GPC3: variants seen among roughly 807,000 people sequenced by gnomAD.
GPC3 encodes the protein glypican-3.
Under a neutral mutation model 34.4 loss-of-function variants are expected in GPC3, and 3 were observed. That is an observed-to-expected ratio of 0.09 (90% CI 0.04 to 0.23). GPC3 has a LOEUF of 0.23. Ranked by LOEUF, GPC3 falls within the 10% of genes least tolerant of loss-of-function variation. The pLI is 1.00. For missense variants in GPC3, 351 were observed against 445.6 expected, an observed-to-expected ratio of 0.79 and a Z score of 1.91; for synonymous variants, 177 against 174.0, an observed-to-expected ratio of 1.02 and a Z score of -0.13.
At chrX:133,865,213 G>A (rs1160064297) in intron 2 of GPC3, among the ~76,000 whole-genome samples, 1 of 111,947 alleles carries the variant, frequency 8.9e-6, no homozygotes, top group African/African-American at 3.2e-5. Context: ...GCCTATCACT[G>A]CAACCATAGT....
At chrX:133,825,831 T>C (rs1759998999) in intron 2 of GPC3, among the ~76,000 whole-genome samples, 1 of 111,663 alleles carries the variant, frequency 9.0e-6, no homozygotes, top group African/African-American at 3.3e-5. Flanking sequence ...TGCCTAACTG[T>C]TGAAAAGATG....
chrX:133,642,141 C>T (rs752879207), intron 6 of GPC3, among the ~76,000 whole-genome samples: 3 of 105,402 alleles, frequency 2.8e-5, no homozygotes, highest in Admixed American at 1.0e-4. Flanking sequence ...GAAAAACAGA[C>T]CAGCATTCAC....
intron 2 of GPC3, chrX:133,763,062 G>C: frequency 1.5e-6 from 1 of 656,474 alleles, no homozygotes; most frequent in Non-Finnish European, 2.5e-6. Context: ...CCGTGCTAAA[G>C]TTTGCTGCTG....
At chrX:133,957,366 G>A (rs980514929) in intron 1 of GPC3, among the ~76,000 whole-genome samples, 1 of 112,657 alleles carries the variant, frequency 8.9e-6, no homozygotes, top group Non-Finnish European at 1.9e-5. Context: ...CAGCTTTTAA[G>A]AAAAGCCCCA....
At chrX:133,634,352 T>C (rs1179341822) in intron 6 of GPC3, among the ~76,000 whole-genome samples, 1 of 112,017 alleles carries the variant, frequency 8.9e-6, no homozygotes, top group Non-Finnish European at 1.9e-5. Context: ...AGTGCAAATA[T>C]TACATCTACA....
chrX:133,676,896 CTTTGTAT>C (rs1224963810), intron 5 of GPC3, among the ~76,000 whole-genome samples: 2 of 110,811 alleles, frequency 1.8e-5, no homozygotes, highest in Non-Finnish European at 3.8e-5. Context: ...TTCTTAGCCA[CTTTGTAT>C]TCCTTTGCTC....
In GPC3 at chrX:133,864,599, T is replaced by C. The variant is rs139212287; in HGVS notation, c.337+88451A>G. On this transcript the variant is annotated intron_variant, in intron 2 of 7. Coordinates refer to ENST00000370818, the MANE Select transcript of GPC3 (RefSeq NM_004484.4). ...GCTCACATGTCCCAGCAGCCTTGTC[T>C]GTCCTGAACTCAAGTGTAACTGACA... Among the ~76,000 whole-genome samples, 1,091 of 112,392 alleles carry C rather than the reference T, an allele frequency of 9.7e-3. 7 individuals carry two copies. Among genetic ancestry groups the C allele is most frequent in the Middle Eastern group, 0.023 (5 of 219 alleles).
chrX:133,675,805 T>C (rs2070878543), intron 5 of GPC3, among the ~76,000 whole-genome samples: 1 of 112,246 alleles, frequency 8.9e-6, no homozygotes, highest in African/African-American at 3.2e-5. Context: ...GAGTTCCTTT[T>C]CTATGCTCCA....
intron 2 of GPC3, among the ~76,000 whole-genome samples, chrX:133,923,080 G>A (rs2076257958): frequency 9.0e-6 from 1 of 110,811 alleles, no homozygotes; most frequent in Non-Finnish European, 1.9e-5. Flanking sequence ...CTTCCAACAA[G>A]AAGCCTTACA....
At chrX:133,853,562 G>T (rs1478856772) in intron 2 of GPC3, among the ~76,000 whole-genome samples, 1 of 111,954 alleles carries the variant, frequency 8.9e-6, no homozygotes, top group African/African-American at 3.2e-5. Context: ...ACACAGCTTT[G>T]GTAATTAACA....
intron 2 of GPC3, among the ~76,000 whole-genome samples, chrX:133,773,856 T>C (rs748279308): frequency 4.5e-5 from 5 of 111,753 alleles, no homozygotes; most frequent in Admixed American, 2.9e-4. Flanking sequence ...GGATAGGTCA[T>C]TTTTCCTCTC....
intron 7 of GPC3, among the ~76,000 whole-genome samples, chrX:133,572,458 A>T (rs143461211): frequency 0.016 from 1,789 of 111,163 alleles, 30 homozygotes; most frequent in African/African-American, 0.055. Context: ...AATAATAAGG[A>T]TTAGAGGTAA....
At chrX:133,648,495 G>A (rs187764668) in intron 6 of GPC3, among the ~76,000 whole-genome samples, 3 of 111,259 alleles carry the variant, frequency 2.7e-5, no homozygotes, top group Non-Finnish European at 5.7e-5. Flanking sequence ...TGGACTCCTT[G>A]CCTCCAATTT....
intron 2 of GPC3, among the ~76,000 whole-genome samples, chrX:133,911,813 G>C (rs774428152): frequency 1.3e-4 from 15 of 111,844 alleles, no homozygotes; most frequent in Non-Finnish European, 2.6e-4. Context: ...TAAAGCATTT[G>C]GTTTGGCATG....
intron 6 of GPC3, among the ~76,000 whole-genome samples, chrX:133,614,007 G>T (rs2070136019): frequency 9.0e-6 from 1 of 111,349 alleles, no homozygotes; most frequent in Admixed American, 9.5e-5. Context: ...GCAAATTTGA[G>T]CAGGCAGAAT....
At chrX:133,730,529 G>C (rs1026990317) in intron 3 of GPC3, among the ~76,000 whole-genome samples, 4 of 111,525 alleles carry the variant, frequency 3.6e-5, no homozygotes, top group African/African-American at 1.3e-4. Flanking sequence ...CAATTTCTCA[G>C]GTAACCTGTA....
intron 6 of GPC3, among the ~76,000 whole-genome samples, chrX:133,604,188 A>G (rs1391965179): frequency 9.0e-6 from 1 of 111,475 alleles, no homozygotes; most frequent in African/African-American, 3.3e-5. Context: ...AGTAATAGAG[A>G]TCTCATTAAC....
chrX:133,606,868 G>T (rs1379065794), intron 6 of GPC3, among the ~76,000 whole-genome samples: 1 of 111,494 alleles, frequency 9.0e-6, no homozygotes, highest in African/African-American at 3.3e-5. Flanking sequence ...CTGGTACACA[G>T]CATTCACAAA....
chrX:133,790,745 G>T (rs759398918), intron 2 of GPC3, among the ~76,000 whole-genome samples: 1 of 110,933 alleles, frequency 9.0e-6, no homozygotes, highest in African/African-American at 3.3e-5. Flanking sequence ...TTAGAAAGAA[G>T]AAAATCAGGC....
Sources: allele counts gnomAD v4.1 joint callset (sites outside exome capture counted in the v4.1 genomes callset), GRCh38; gene constraint gnomAD v4.1.1; transcripts MANE v1.5; gene names NCBI Gene and HGNC (gene_info 2026-07-23, HGNC 2026-07-21).